Variants in STX1B observed in about 807,000 individuals in gnomAD.
STX1B encodes syntaxin 1B.
STX1B carries 7 observed loss-of-function variants against 39.4 expected under a neutral mutation model. That is an observed-to-expected ratio of 0.18 (90% CI 0.10 to 0.33). STX1B has a LOEUF of 0.33. Ranked by LOEUF, STX1B falls within the 10% of genes least tolerant of loss-of-function variation. The pLI, the probability that STX1B is intolerant of heterozygous loss-of-function variation, is 1.00. For synonymous variants in STX1B, 136 were observed against 144.1 expected (o/e 0.94, Z 0.40); for missense variants, 198 against 383.2 (o/e 0.52, Z 4.04).
chr16:31,005,410 C>T (rs2056649985), intron 1 of STX1B, among the ~76,000 whole-genome samples: 2 of 151,290 alleles, frequency 1.3e-5, no homozygotes, highest in South Asian at 4.2e-4. Context: ...CATATATGTG[C>T]TGATTACCAC....
rs1476073992 is a variant in STX1B at position 30,991,876 on chromosome 16, C to G, written c.*945G>C. ...GAGCAAGACTCCGTCTCGAAAAAAA[C>G]AAAAAACAAAAAACAAAAAAAAATT... On this transcript the variant is annotated 3_prime_UTR_variant, in exon 10 of 10. Transcript: ENST00000215095. 2.6e-5 allele frequency: 4 copies of G among 151,602 alleles called. No individual in the cohort carries two copies. In the East Asian group the frequency reaches 7.7e-4, roughly 29 times the overall value. 9.4% of individuals were successfully genotyped at this position (151,602 alleles called of 1,614,324 possible). A position where few individuals can be genotyped will look rare whatever the true frequency, so the allele number is the denominator to read the frequency against.
At chr16:30,992,923 G>A (rs746539063) in intron 9 of STX1B, 22 bp from the exon 10 acceptor site, 2 of 1,596,516 alleles carry the variant, frequency 1.3e-6, no homozygotes, top group South Asian at 1.1e-5. Context: ...AGAGGAGTGA[G>A]ACAGGCAGAC....
At position 31,001,647 on chromosome 16, in the gene STX1B, G is replaced by C; in HGVS notation, c.31-44C>G. The C allele has an allele frequency of 1.3e-6, 2 of 1,544,462 alleles. No individual in the cohort carries two copies. The highest frequency in any genetic ancestry group is 1.8e-6 in the Non-Finnish European group (2 of 1,125,376). ...GAGTCCATGAGCAGGCCCTACCTGG[G>C]TCCCCAAGGCTGGCTCTCCAGCTCT... On this transcript the variant is annotated intron_variant, in intron 1 of 9. Coordinates refer to ENST00000215095, the MANE Select transcript of STX1B (RefSeq NM_052874.5). The surrounding 1 kb of genome is among the most constrained non-coding windows in gnomAD (Gnocchi z 5.5).
At position 31,001,614 on chromosome 16, in the gene STX1B, G is replaced by A; in HGVS notation, c.31-11C>T. Reference sequence around the variant, plus strand: ...ATCACTGTCTTTCGCCTGGGGACAAGGAAGGCTGAGTCCATGAGCAGGCCC... The same window carrying A: ...ATCACTGTCTTTCGCCTGGGGACAAAGAAGGCTGAGTCCATGAGCAGGCCC... On this transcript the variant is annotated splice_polypyrimidine_tract_variant and intron_variant, in intron 1 of 9. Coordinates refer to ENST00000215095, the MANE Select transcript of STX1B (RefSeq NM_052874.5). The surrounding 1 kb of genome is among the most constrained non-coding windows in gnomAD (Gnocchi z 5.5). The A allele has an allele frequency of 6.2e-7, 1 of 1,611,362 alleles. No homozygotes were observed. Among genetic ancestry groups the A allele is most frequent in the South Asian group, 1.1e-5 (1 of 90,866 alleles).
rs1224182251 is a variant in STX1B at position 31,001,990 on chromosome 16, G to C, written c.31-387C>G. 2.6e-5 allele frequency among the ~76,000 whole-genome samples: 4 copies of C among 152,090 alleles called. No individual in the cohort carries two copies. The highest frequency in any genetic ancestry group is 9.7e-5 in the African/African-American group (4 of 41,402). ...TCCCGGGAGCCTGGATCTCCCTACT[G>C]TTCCTGCTCTCCTGCCCAGATCTCA... On this transcript the variant is annotated intron_variant, in intron 1 of 9. Transcript: ENST00000215095. The surrounding 1 kb of genome is among the most constrained non-coding windows in gnomAD (Gnocchi z 5.5).
Position 30,993,312 on chromosome 16 carries a change from G to A in STX1B, c.675+35C>T, listed in dbSNP as rs1472444733. 3.7e-6 allele frequency: 6 copies of A among 1,613,502 alleles called. No individual in the cohort carries two copies. In the South Asian group the frequency reaches 6.6e-5, roughly 18 times the overall value. ...GAAGAGGGGACCTCAGGCCCAGGGA[G>A]GCTCCCAGAGTGGCATGGGTGGCAG... On this transcript the variant is annotated intron_variant, in intron 8 of 9. Transcript: ENST00000215095.
At chr16:30,993,970 G>A (rs2056576960) in intron 7 of STX1B, among the ~76,000 whole-genome samples, 1 of 144,686 alleles carries the variant, frequency 6.9e-6, no homozygotes, top group Non-Finnish European at 1.5e-5. Flanking sequence ...TGGGCAACAA[G>A]AGTGAAATTC....
intron 7 of STX1B, 107 bp downstream of exon 7, chr16:30,996,576 C>A: frequency 1.4e-5 from 14 of 1,021,360 alleles, no homozygotes; most frequent in Non-Finnish European, 2.1e-5. Flanking sequence ...CTCAGGCTTC[C>A]CGCTGCTCAT....
intron 1 of STX1B, among the ~76,000 whole-genome samples, chr16:31,004,156 C>G (rs995836902): frequency 2.0e-5 from 3 of 152,214 alleles, no homozygotes; most frequent in African/African-American, 4.8e-5. Flanking sequence ...GTATTTTTTG[C>G]GTAAGTCTTA....
chr16:30,996,989 T>C lies in STX1B; in HGVS notation c.425A>G (p.Asp142Gly). 1 of 1,611,002 alleles carries C rather than the reference T, an allele frequency of 6.2e-7. No individual in the cohort carries two copies. The highest frequency in any genetic ancestry group is 8.5e-7 in the Non-Finnish European group (1 of 1,179,628). ...CCGCTGGATCCGGTCCTTGCAGCGG[T>C]CCCGGTACTTGGACTGGGTCGCGTT... The part of the protein sequence containing the change: ...EYNATQSKYR[D>G]RCKDRIQRQL... The change falls in exon 6 of 10, where the codon GAC becomes GGC. Residue 142 changes from aspartate (D) to glycine (G), a missense_variant. Asp to Gly is a moderately conservative substitution (Grantham distance 94, BLOSUM62 -1). Transcript: ENST00000215095.
rs1032752581 is a variant in STX1B, at chr16:30,992,643, G to C, written c.*178C>G. ...CTGCTGCGATCTACGTGCGGGGACG[G>C]GGGGGGGGTCCATGGCCCGGTGAGG... On this transcript the variant is annotated 3_prime_UTR_variant, in exon 10 of 10. Coordinates refer to ENST00000215095, the MANE Select transcript of STX1B (RefSeq NM_052874.5). 1.7e-4 allele frequency: 44 copies of C among 264,976 alleles called. No individual in the cohort carries two copies. The African/African-American group carries it at 1.9e-3, about 12-fold the overall frequency. The allele number at this position is 264,976 out of a possible 1,614,324, so 16.4% of individuals were successfully genotyped here. A position where few individuals can be genotyped will look rare whatever the true frequency, so the allele number is the denominator to read the frequency against.
chr16:30,997,344 C>T (rs2056600113), intron 5 of STX1B, among the ~76,000 whole-genome samples, 158 bp downstream of exon 5: 1 of 152,016 alleles, frequency 6.6e-6, no homozygotes, highest in South Asian at 2.1e-4. Context: ...GAGAGCCCCG[C>T]CCAGGGCCCC....
At chr16:30,996,005 C>G (rs1315930256) in intron 7 of STX1B, among the ~76,000 whole-genome samples, 2 of 151,814 alleles carry the variant, frequency 1.3e-5, no homozygotes, top group African/African-American at 2.4e-5. Flanking sequence ...AGGAAGACCC[C>G]CCATCTCTAC....
At chr16:31,003,506 C>T (rs1016420600) in intron 1 of STX1B, among the ~76,000 whole-genome samples, 15 of 152,240 alleles carry the variant, frequency 9.9e-5, no homozygotes, top group Non-Finnish European at 2.1e-4. Flanking sequence ...CTCCCTTCAA[C>T]CACTCACTCA....
chr16:31,007,270 G>C lies in STX1B; in HGVS notation c.30+3097C>G, dbSNP rs567824550. On this transcript the variant is annotated intron_variant, in intron 1 of 9. Transcript: ENST00000215095. ...TCATACCTGAGGGCCTTTGGGGCAC[G>C]GGGCGGTCCCTCAGCAGCCTTCATC... is the stretch of plus-strand genomic sequence containing the variant. 2.6e-5 allele frequency among the ~76,000 whole-genome samples: 4 copies of C among 152,182 alleles called. No individual in the cohort carries two copies. The East Asian group carries it at 7.7e-4, about 29-fold the overall frequency.
At chr16:30,994,376 G>A (rs1388599445) in intron 7 of STX1B, among the ~76,000 whole-genome samples, 1 of 139,502 alleles carries the variant, frequency 7.2e-6, no homozygotes, top group Non-Finnish European at 1.5e-5. Context: ...TTGAGCCCAG[G>A]AATTTGAGGC....
chr16:30,993,607 C>T (rs2056575293), intron 7 of STX1B, 123 bp from the exon 8 acceptor site: 2 of 1,078,742 alleles, frequency 1.9e-6, no homozygotes, highest in Non-Finnish European at 2.7e-6. Context: ...ACATTATTCA[C>T]CTGCTCTTGG....
At chr16:31,005,734 A>C (rs2056651903) in intron 1 of STX1B, among the ~76,000 whole-genome samples, 1 of 152,038 alleles carries the variant, frequency 6.6e-6, no homozygotes, top group Non-Finnish European at 1.5e-5. Flanking sequence ...TGATGGGATG[A>C]CTCAAACTCA....
intron 7 of STX1B, among the ~76,000 whole-genome samples, chr16:30,994,094 T>C (rs1427473370): frequency 6.6e-6 from 1 of 150,438 alleles, no homozygotes; most frequent in Non-Finnish European, 1.5e-5. Flanking sequence ...AGACCAAGAC[T>C]ATCCTGGCTA....
Sources: allele counts gnomAD v4.1 joint callset (sites outside exome capture counted in the v4.1 genomes callset), GRCh38; gene constraint gnomAD v4.1.1; non-coding constraint Gnocchi (gnomAD v3.1); transcripts MANE v1.5; gene names NCBI Gene and HGNC (gene_info 2026-07-23, HGNC 2026-07-21).